The following MIAT variants were observed in gnomAD, a reference collection of about 807,000 sequenced individuals.
MIAT encodes the protein MI related novel mRNA.
At chr22:26,666,730 T>G in exon 4 of MIAT, 1 of 398,522 alleles carries the variant, frequency 2.5e-6, no homozygotes, top group Non-Finnish European at 4.4e-6. Context: ...GAGGGTGGGG[T>G]GCCTGGGCCC....
At chr22:26,667,333 A>AGTGT (rs61442362) in intron 5 of MIAT, 74,938 of 389,474 alleles carry the variant, frequency 0.19, 3,282 homozygotes, top group South Asian at 0.26. Flanking sequence ...TCCTGGGAGC[A>AGTGT]GTGTGTGTGT....
rs549285798 is a variant in MIAT, at chr22:26,666,160, T to C, written n.1359T>C. ...AGCTCTGAAGATATGCTGAGAGAGC[T>C]CCCTGACTCTCCTGACTCAGGTCTG... On this transcript the variant is annotated non_coding_transcript_exon_variant, in exon 4 of 6. Coordinates refer to ENST00000643270, the Ensembl canonical transcript of MIAT. The C allele has an allele frequency of 1.3e-4, 53 of 398,652 alleles. 2 individuals are homozygous for C. The Middle Eastern group carries it at 8.2e-3, about 62-fold the overall frequency. 24.7% of individuals were successfully genotyped at this position (398,652 alleles called of 1,614,324 possible).
chr22:26,655,007 C>T (rs1020191241), intron 2 of MIAT, among the ~76,000 whole-genome samples: 6 of 152,320 alleles, frequency 3.9e-5, no homozygotes, highest in Middle Eastern at 3.4e-3. Context: ...CTGCTGCGCC[C>T]GGCCAAAACA....
intron 2 of MIAT, among the ~76,000 whole-genome samples, chr22:26,661,961 TAC>T (rs1555948831): frequency 0.017 from 734 of 43,776 alleles, 13 homozygotes; most frequent in South Asian, 0.03. Context: ...TATATATATA[TAC>T]ACACACACAC....
At chr22:26,659,840 C>CTTTTTTTTT (rs1189391284) in intron 2 of MIAT, among the ~76,000 whole-genome samples, 18 of 94,954 alleles carry the variant, frequency 1.9e-4, no homozygotes, top group South Asian at 7.2e-4. Flanking sequence ...TTCTTTCTTT[C>CTTTTTTTTT]TTTTTTTTTT....
chr22:26,672,877 G>C (rs1325757962), downstream of MIAT: 4 of 398,474 alleles, frequency 1.0e-5, no homozygotes, highest in Non-Finnish European at 1.3e-5. Context: ...AGGCCGGAAA[G>C]AGGGACATTT....
chr22:26,651,534 A>C (rs959431274), intron 2 of MIAT, among the ~76,000 whole-genome samples: 4 of 152,244 alleles, frequency 2.6e-5, no homozygotes, highest in East Asian at 3.8e-4. Flanking sequence ...AACGTGGAAC[A>C]GAGAGGTACG....
intron 3 of MIAT, chr22:26,665,461 A>C (rs1040027589): frequency 7.5e-6 from 3 of 398,626 alleles, no homozygotes; most frequent in African/African-American, 4.1e-5. Flanking sequence ...CTCTAGGTCC[A>C]CAGAACGAGG....
At chr22:26,674,840 G>A (rs1014820020) in exon 5 of MIAT, 8 of 398,574 alleles carry the variant, frequency 2.0e-5, no homozygotes, top group Non-Finnish European at 4.4e-6. Flanking sequence ...ATGCTGCTAA[G>A]GATCTACTAT....
At chr22:26,647,396 AGAGAGAGAGAG>A in intron 2 of MIAT, 1 of 358,850 alleles carries the variant, frequency 2.8e-6, no homozygotes, top group Non-Finnish European at 4.9e-6. Flanking sequence ...AGAGAGAGAG[AGAGAGAGAGAG>A]AGAGAGAGAG....
At chr22:26,656,333 T>C (rs1044103868) in intron 2 of MIAT, among the ~76,000 whole-genome samples, 5 of 150,774 alleles carry the variant, frequency 3.3e-5, no homozygotes, top group South Asian at 2.1e-4. Context: ...TTTTCTTTTT[T>C]TTTTTTTTGA....
chr22:26,664,136 C>T (rs563244867), intron 3 of MIAT, among the ~76,000 whole-genome samples: 12 of 151,870 alleles, frequency 7.9e-5, no homozygotes, highest in African/African-American at 2.2e-4. Context: ...CTCAGTCTCC[C>T]GAGTAGCTGG....
At chr22:26,669,500 A>G (rs1463217787) in exon 6 of MIAT, 2 of 398,492 alleles carry the variant, frequency 5.0e-6, no homozygotes. Flanking sequence ...TTATAAAGAC[A>G]CTAATATCAC....
chr22:26,657,508 C>T, intron 2 of MIAT: 1 of 398,680 alleles, frequency 2.5e-6, no homozygotes, highest in Non-Finnish European at 4.4e-6. Context: ...GCCGGCTGCG[C>T]TCGCGGGACC....
At chr22:26,648,555 T>C (rs62224890) in intron 2 of MIAT, among the ~76,000 whole-genome samples, 1 of 98,210 alleles carries the variant, frequency 1.0e-5, no homozygotes, top group Non-Finnish European at 2.2e-5. Flanking sequence ...TTTGATGGGG[T>C]TTTGTTTTTT....
chr22:26,673,428 C>G (rs1931138014), downstream of MIAT: 1 of 398,740 alleles, frequency 2.5e-6, no homozygotes, highest in African/African-American at 2.1e-5. Flanking sequence ...CACTAACAAC[C>G]AACCTGGCCC....
downstream of MIAT, chr22:26,671,116 C>G (rs1175596217): frequency 2.5e-6 from 1 of 398,468 alleles, no homozygotes; most frequent in Non-Finnish European, 4.4e-6. Flanking sequence ...GTAACAGGAT[C>G]CAGCCCTCTG....
At chr22:26,661,919 T>TATATATATGGATCTATATAGATAC (rs1930681058) in intron 2 of MIAT, among the ~76,000 whole-genome samples, 1 of 12,018 alleles carries the variant, frequency 8.3e-5, no homozygotes, top group African/African-American at 6.1e-4. Flanking sequence ...TATAGATCCA[T>TATATATATGGATCTATATAGATAC]ATATATATAT....
rs2145996356 is a variant in MIAT at position 26,648,477 on chromosome 22, T to C, written n.646+1166T>C. On this transcript the variant is annotated intron_variant and non_coding_transcript_variant, in intron 2 of 5. Transcript: ENST00000643270. ...CCTCAGGCAAGGTCTCCTGGCCTCC[T>C]GAGCCTTGCTGTGTGCACCATAAAA... is the stretch of plus-strand genomic sequence containing the variant. Among the ~76,000 whole-genome samples, 2 of 151,664 alleles carry C rather than the reference T, an allele frequency of 1.3e-5. 1 individual carries two copies. Among genetic ancestry groups the C allele is most frequent in the Middle Eastern group, 7.0e-3 (2 of 286 alleles).
Sources: gnomAD v4.1 joint callset for allele counts (sites outside exome capture counted in the v4.1 genomes callset) on GRCh38, gnomAD v4.1.1 for gene constraint, MANE v1.5 for transcripts, NCBI Gene and HGNC (gene_info 2026-07-23, HGNC 2026-07-21) for gene names.